Variants in PTPRN2 observed in about 807,000 individuals in gnomAD.
PTPRN2 encodes protein tyrosine phosphatase receptor type N2.
In PTPRN2, 74 loss-of-function variants were observed where a neutral mutation model predicts 118.8. The ratio of observed to expected loss-of-function variants is 0.62; its 90% CI spans 0.52 to 0.76. PTPRN2 has a LOEUF of 0.76. Ranked by LOEUF, PTPRN2 falls within the 30% of genes least tolerant of loss-of-function variation. The pLI is 0.00. For synonymous variants in PTPRN2, 641 were observed against 608.0 expected, an observed-to-expected ratio of 1.05 and a Z score of -0.80; for missense variants, 1,481 against 1,394.4, an observed-to-expected ratio of 1.06 and a Z score of -0.99.
At chr7:157,888,639 A>T (rs1796623234) in intron 12 of PTPRN2, among the ~76,000 whole-genome samples, 1 of 144,530 alleles carries the variant, frequency 6.9e-6, no homozygotes, top group African/African-American at 2.6e-5. Flanking sequence ...AACCTTTGTC[A>T]TGTACTGGCC....
At chr7:158,432,592 T>C (rs972657470) in intron 2 of PTPRN2, among the ~76,000 whole-genome samples, 2 of 152,216 alleles carry the variant, frequency 1.3e-5, no homozygotes, top group African/African-American at 4.8e-5. Context: ...TGGAATATGT[T>C]TAAAGTATTA....
chr7:158,553,204 C>A (rs942490381), intron 1 of PTPRN2, among the ~76,000 whole-genome samples: 1 of 150,134 alleles, frequency 6.7e-6, no homozygotes, highest in Non-Finnish European at 1.5e-5. Flanking sequence ...CACTACCTTC[C>A]CCTATACATG....
At chr7:158,506,267 G>T (rs73528631) in intron 1 of PTPRN2, among the ~76,000 whole-genome samples, 1 of 152,184 alleles carries the variant, frequency 6.6e-6, no homozygotes, top group Admixed American at 6.5e-5. Context: ...CCCTCTCCCC[G>T]GAGGTGCCAG....
intron 5 of PTPRN2, among the ~76,000 whole-genome samples, chr7:158,182,631 TG>T (rs1423560476): frequency 6.6e-6 from 1 of 152,230 alleles, no homozygotes; most frequent in African/African-American, 2.4e-5. Context: ...GCTTCATCCA[TG>T]TCCCTCCAAG....
intron 6 of PTPRN2, among the ~76,000 whole-genome samples, chr7:158,160,911 T>A (rs1017537152): frequency 6.6e-6 from 1 of 152,266 alleles, no homozygotes. Context: ...CGATTTTATA[T>A]ATTTTGCAAA....
intron 12 of PTPRN2, among the ~76,000 whole-genome samples, chr7:157,790,231 G>A (rs1804391524): frequency 7.1e-6 from 1 of 140,206 alleles, no homozygotes; most frequent in South Asian, 2.4e-4. Context: ...GTATGGTGGT[G>A]TGTGTGTGTG....
At chr7:158,405,793 T>C (rs1813359358) in intron 2 of PTPRN2, among the ~76,000 whole-genome samples, 3 of 151,734 alleles carry the variant, frequency 2.0e-5, no homozygotes, top group Admixed American at 6.6e-5. Context: ...TCCATGCATG[T>C]GGCCGCACAC....
At chr7:157,963,979 AC>A (rs1199194343) in intron 11 of PTPRN2, among the ~76,000 whole-genome samples, 1 of 152,176 alleles carries the variant, frequency 6.6e-6, no homozygotes, top group Non-Finnish European at 1.5e-5. Flanking sequence ...GAGCCACTGC[AC>A]CCAGTCATTA....
Position 158,259,877 on chromosome 7 carries a change from G to A in PTPRN2, c.278-54604C>T, listed in dbSNP as rs151045858. 9.4e-3 allele frequency among the ~76,000 whole-genome samples: 1,367 copies of A among 145,810 alleles called. 49 individuals are homozygous for A. Among genetic ancestry groups the A allele is most frequent in the African/African-American group, 0.035 (1,288 of 37,220 alleles). ...GTGTCCCTGGTGTACATGTATGTGCGTTTGTGTGTCCATGTGTCCATGAGT... is the reference window on the plus strand; with the variant it reads ...GTGTCCCTGGTGTACATGTATGTGCATTTGTGTGTCCATGTGTCCATGAGT... On this transcript the variant is annotated intron_variant, in intron 3 of 22. Coordinates refer to ENST00000389418, the MANE Select transcript of PTPRN2 (RefSeq NM_002847.5).
chr7:158,165,158 C>G (rs1822833449), intron 6 of PTPRN2, among the ~76,000 whole-genome samples: 1 of 152,160 alleles, frequency 6.6e-6, no homozygotes, highest in Non-Finnish European at 1.5e-5. Flanking sequence ...GCAGTGAAGA[C>G]CCCCGATGGT....
At position 158,203,252 on chromosome 7, in the gene PTPRN2, GAAGAGGAAAGA is replaced by G. The variant is rs369847896; in HGVS notation, c.380+1908_380+1918del. On this transcript the variant is annotated intron_variant, in intron 4 of 22. Coordinates refer to ENST00000389418, the MANE Select transcript of PTPRN2 (RefSeq NM_002847.5). ...AAAAAAAAAAAAAAAAAAAAAAAAA[GAAGAGGAAAGA>G]AAGAGGAAAGAAAAAGGAAGGAAGG... 5.1e-3 allele frequency among the ~76,000 whole-genome samples: 461 copies of G among 91,050 alleles called. 2 individuals are homozygous for G. The highest frequency in any genetic ancestry group is 0.014 in the Middle Eastern group (2 of 144). 59.7% of individuals were successfully genotyped at this position (91,050 alleles called of 152,430 possible).
chr7:157,828,378 G>C (rs570313249), intron 12 of PTPRN2, among the ~76,000 whole-genome samples: 2 of 152,314 alleles, frequency 1.3e-5, no homozygotes, highest in East Asian at 3.9e-4. Context: ...ACGGAACAGC[G>C]ATCGGATACA....
intron 1 of PTPRN2, among the ~76,000 whole-genome samples, chr7:158,540,454 G>A (rs753956543): frequency 3.9e-5 from 6 of 152,102 alleles, no homozygotes; most frequent in Non-Finnish European, 7.4e-5. Context: ...AAATGTGGAG[G>A]TGACGTGCTG....
intron 12 of PTPRN2, among the ~76,000 whole-genome samples, chr7:157,884,810 C>G (rs149210631): frequency 6.6e-6 from 1 of 152,150 alleles, no homozygotes; most frequent in African/African-American, 2.4e-5. Flanking sequence ...TTCCCTCTCA[C>G]GACATGTGGC....
At chr7:158,483,875 T>C (rs1192262464) in intron 2 of PTPRN2, among the ~76,000 whole-genome samples, 1 of 152,202 alleles carries the variant, frequency 6.6e-6, no homozygotes, top group Admixed American at 6.5e-5. Flanking sequence ...CAATGGCTCA[T>C]GCCTGTAATC....
At position 157,683,361 on chromosome 7, in the gene PTPRN2, C is replaced by T. The variant is rs180775399; in HGVS notation, c.1789-424G>A. Among the ~76,000 whole-genome samples, 115 of 152,286 alleles carry T rather than the reference C, an allele frequency of 7.6e-4. 2 individuals carry two copies. Among genetic ancestry groups the T allele is most frequent in the Admixed American group, 1.8e-3 (27 of 15,296 alleles). On this transcript the variant is annotated intron_variant, in intron 12 of 22. Transcript: ENST00000389418. The stretch of plus-strand genomic sequence containing the variant: ...GGCGGTGGAGGAGGGTGGGCAGGCC[C>T]GGAGCCTTCTGCAGCTTCAAGTAGC...
chr7:157,563,644 C>A (rs13308548), intron 21 of PTPRN2, among the ~76,000 whole-genome samples: 1 of 113,512 alleles, frequency 8.8e-6, no homozygotes. Flanking sequence ...CACCACACAC[C>A]ACAGATCAGG....
intron 11 of PTPRN2, among the ~76,000 whole-genome samples, chr7:157,975,042 C>G (rs1163016987): frequency 1.3e-5 from 2 of 152,090 alleles, no homozygotes; most frequent in Non-Finnish European, 2.9e-5. Flanking sequence ...GATAAGAACT[C>G]ACACTAAAGG....
At chr7:157,889,869 C>T (rs932284865) in intron 12 of PTPRN2, among the ~76,000 whole-genome samples, 3 of 152,244 alleles carry the variant, frequency 2.0e-5, no homozygotes, top group Non-Finnish European at 1.5e-5. Flanking sequence ...CCTCGTCATT[C>T]TTCTGCTGCC....
Sources: gnomAD v4.1 joint callset for allele counts (sites outside exome capture counted in the v4.1 genomes callset) on GRCh38, gnomAD v4.1.1 for gene constraint, MANE v1.5 for transcripts, NCBI Gene and HGNC (gene_info 2026-07-23, HGNC 2026-07-21) for gene names.